Variants in ARRDC3 observed in about 807,000 individuals in gnomAD.
ARRDC3 encodes arrestin domain containing 3, also known as arrestin domain-containing protein 3.
In ARRDC3, 10 loss-of-function variants were observed where a neutral mutation model predicts 47.2. The ratio of observed to expected loss-of-function variants is 0.21; its 90% CI spans 0.13 to 0.36. ARRDC3 has a LOEUF of 0.36. Ranked by LOEUF, ARRDC3 falls within the 10% of genes least tolerant of loss-of-function variation. The pLI is 1.00. For missense variants in ARRDC3, 381 were observed against 503.6 expected (o/e 0.76, Z 2.33); for synonymous variants, 156 against 178.3 (o/e 0.87, Z 1.00).
intron 2 of ARRDC3, among the ~76,000 whole-genome samples, chr5:91,377,516 G>A (rs577185865): frequency 1.5e-4 from 23 of 151,040 alleles, no homozygotes; most frequent in African/African-American, 5.6e-4. Context: ...TCAATGTTCA[G>A]TTATTTACAA....
rs1335816451 is a variant in ARRDC3 at position 91,374,953 on chromosome 5, C to T, written c.839G>A (p.Cys280Tyr). 6.2e-7 allele frequency: 1 copy of T among 1,614,168 alleles called. No individual in the cohort carries two copies. Among genetic ancestry groups the T allele is most frequent in the Non-Finnish European group, 8.5e-7 (1 of 1,179,998 alleles). ...TGAATATTCCACGCGGATTATACTA[C>T]AGTCGAGGATAGAGGGAGAAACTGG... ...IPPVSPSILD[C>Y]SIIRVEYSLM... is the part of the protein sequence containing the mutation. Residue 280 changes from cysteine (C) to tyrosine (Y), a missense_variant, in exon 5 of 8, where the codon TGT becomes TAT. Coordinates refer to ENST00000265138, the MANE Select transcript of ARRDC3 (RefSeq NM_020801.4).
At chr5:91,381,565 C>G (rs995477721) in intron 1 of ARRDC3, among the ~76,000 whole-genome samples, 1 of 152,152 alleles carries the variant, frequency 6.6e-6, no homozygotes, top group Non-Finnish European at 1.5e-5. Flanking sequence ...TTAATAGTTT[C>G]AAAAATAATG....
Position 91,374,119 on chromosome 5 carries a change from G to C in ARRDC3, c.1028C>G (p.Pro343Arg). Reference protein sequence around the residue: ...NWLSLSLPERPEAPPSYAEVV... With the variant: ...NWLSLSLPERREAPPSYAEVV... ...GACGTGTATTATCAAATTACCTTCA[G>C]GTCTTTCAGGAAGTGATAAACTGAG... The change falls in exon 6 of 8, where the codon CCT (proline) becomes CGT (arginine). Residue 343 changes from proline (P) to arginine (R), a missense_variant. Pro to Arg is a moderately radical substitution (Grantham distance 103, BLOSUM62 -2). Transcript: ENST00000265138. The C allele has an allele frequency of 3.1e-6, 5 of 1,611,672 alleles. No homozygotes were observed. Among genetic ancestry groups the C allele is most frequent in the Non-Finnish European group, 4.2e-6 (5 of 1,179,274 alleles).
In ARRDC3 at chr5:91,372,033, T is replaced by C. The variant is rs1026270816; in HGVS notation, c.1189-577A>G. Among the ~76,000 whole-genome samples, 3 of 152,162 alleles carry C rather than the reference T, an allele frequency of 2.0e-5. No homozygotes were observed. The South Asian group carries it at 6.2e-4, about 31-fold the overall frequency. On this transcript the variant is annotated intron_variant, in intron 7 of 7. Coordinates refer to ENST00000265138, the MANE Select transcript of ARRDC3 (RefSeq NM_020801.4). ...CCCACAGAGGGCCAAAAACGCAGTG[T>C]ATCAGGAAATAAAACTGCTGAACCC... is the stretch of plus-strand genomic sequence containing the variant.
intron 7 of ARRDC3, among the ~76,000 whole-genome samples, chr5:91,372,947 T>C (rs532399172): frequency 6.6e-6 from 1 of 152,292 alleles, no homozygotes; most frequent in African/African-American, 2.4e-5. Context: ...CCCCACCTAC[T>C]CACTCCTTGT....
Position 91,378,719 on chromosome 5 carries a change from C to T in ARRDC3, c.337G>A (p.Ala113Thr), listed in dbSNP as rs149074357. 4 of 1,597,880 alleles carry T rather than the reference C, an allele frequency of 2.5e-6. No individual in the cohort carries two copies. ...HTIHSGRHEY[A>T]FSFELPQTPL... ...GTCTGTGGAAGCTCGAAGCTGAATG[C>T]ATATTCATGCCTTCCTGAATGAATA... The change falls in exon 2 of 8, where the codon GCA (alanine) becomes ACA (threonine). Residue 113 changes from alanine (A) to threonine (T), a missense_variant. Physicochemically the swap from Ala to Thr is moderately conservative, Grantham distance 58. Coordinates refer to ENST00000265138, the MANE Select transcript of ARRDC3 (RefSeq NM_020801.4).
chr5:91,374,205 T>C lies in ARRDC3; in HGVS notation c.942A>G (p.Leu314=), dbSNP rs1410916762. The change falls in exon 6 of 8, where the codon CTA becomes CTG. Residue 314 remains leucine (L), a synonymous_variant. Coordinates refer to ENST00000265138, the MANE Select transcript of ARRDC3 (RefSeq NM_020801.4). ...TTGAGGTTCTGCTACCAAATGGATG[T>C]AGAGGAATGGTACCGATGACAAGTG... ...NLPLVIGTIP[L]HPFGSRTSSV... is the part of the protein sequence containing the mutation. The C allele has an allele frequency of 2.5e-6, 4 of 1,613,916 alleles. No individual in the cohort carries two copies. The highest frequency in any genetic ancestry group is 3.4e-6 in the Non-Finnish European group (4 of 1,179,828).
intron 2 of ARRDC3, 84 bp downstream of exon 2, chr5:91,378,610 A>G: frequency 1.2e-6 from 1 of 803,266 alleles, no homozygotes; most frequent in Non-Finnish European, 1.9e-6. Flanking sequence ...TCAACTAAAA[A>G]TGTTTAAATT....
At chr5:91,375,634 G>C (rs1799283432) in intron 3 of ARRDC3, 21 bp from the exon 4 acceptor site, 2 of 1,554,144 alleles carry the variant, frequency 1.3e-6, no homozygotes, top group African/African-American at 1.4e-5. Flanking sequence ...AAAATTAAGA[G>C]AAAAAGGTCA....
intron 1 of ARRDC3, chr5:91,380,338 G>C (rs914916647): frequency 6.5e-6 from 1 of 153,002 alleles, no homozygotes; most frequent in Non-Finnish European, 1.5e-5. Flanking sequence ...AGCGAGCCGC[G>C]GCGCTTCCGC....
chr5:91,383,211 G>A lies in ARRDC3; in HGVS notation c.-119C>T. On this transcript the variant is annotated 5_prime_UTR_variant, in exon 1 of 8. Coordinates refer to ENST00000265138, the MANE Select transcript of ARRDC3 (RefSeq NM_020801.4). ...TGCCGTGCAAAATGCTTGCAGGCCG[G>A]ATCAGTGATTCTCTACAAATAGTTC... 1.1e-6 allele frequency: 1 copy of A among 906,386 alleles called. No individual in the cohort carries two copies. The highest frequency in any genetic ancestry group is 1.6e-6 in the Non-Finnish European group (1 of 614,958). The allele number at this position is 906,386 out of a possible 1,614,324, so 56.1% of individuals were successfully genotyped here. A position where few individuals can be genotyped will look rare whatever the true frequency, so the allele number is the denominator to read the frequency against.
intron 7 of ARRDC3, 137 bp from the exon 8 acceptor site, chr5:91,371,593 C>A: frequency 1.5e-6 from 1 of 656,306 alleles, no homozygotes. Flanking sequence ...ATATTATATC[C>A]AATTATTCTC....
chr5:91,375,395 TTTG>T (rs1189315173), intron 4 of ARRDC3, 113 bp downstream of exon 4: 1 of 879,334 alleles, frequency 1.1e-6, no homozygotes, highest in Admixed American at 3.0e-5. Flanking sequence ...ATAAGCACAA[TTTG>T]TTATTTCACA....
chr5:91,375,620 GA>G lies in ARRDC3; in HGVS notation c.511-8del. 2 of 1,597,202 alleles carry G rather than the reference GA, an allele frequency of 1.3e-6. No individual in the cohort carries two copies. Among genetic ancestry groups the G allele is most frequent in the East Asian group, 2.3e-5 (1 of 44,324 alleles). On this transcript the variant is annotated splice_polypyrimidine_tract_variant and splice_region_variant and intron_variant, in intron 3 of 7. Transcript: ENST00000265138. Reference sequence around the variant, plus strand: ...TTGTGCCTGCTTGGGGTGACTGTAAGAAAAAAATTAAGAGAAAAAGGTCAGT... The same window carrying G: ...TTGTGCCTGCTTGGGGTGACTGTAAGAAAAAATTAAGAGAAAAAGGTCAGT...
chr5:91,375,120 T>C lies in ARRDC3; in HGVS notation c.672A>G (p.Pro224=). The stretch of plus-strand genomic sequence containing the variant: ...CCTGTGTTTGGTAAATGGCTGCCTT[T>C]GGCACCACCATTCGGGAAGAGCAGT... The part of the protein sequence containing the change: ...IENCSSRMVV[P]KAAIYQTQAF... Residue 224 remains proline (P), a synonymous_variant, in exon 5 of 8, where the codon CCA becomes CCG. Coordinates refer to ENST00000265138, the MANE Select transcript of ARRDC3 (RefSeq NM_020801.4). The C allele has an allele frequency of 6.2e-7, 1 of 1,614,126 alleles. No individual in the cohort carries two copies. The highest frequency in any genetic ancestry group is 8.5e-7 in the Non-Finnish European group (1 of 1,180,012).
rs553655518 is a variant in ARRDC3 at position 91,374,941 on chromosome 5, C to T, written c.851G>A (p.Arg284His). ...ACATACCATTAGTGAATATTCCACG[C>T]GGATTATACTACAGTCGAGGATAGA... Reference protein sequence around the residue: ...SPSILDCSIIRVEYSLMVYVD... With the variant: ...SPSILDCSIIHVEYSLMVYVD... The change falls in exon 5 of 8, where the codon CGC (arginine) becomes CAC (histidine). Residue 284 changes from arginine to histidine, a missense_variant. Coordinates refer to ENST00000265138, the MANE Select transcript of ARRDC3 (RefSeq NM_020801.4). 1.9e-5 allele frequency: 30 copies of T among 1,614,076 alleles called. No homozygotes were observed. The highest frequency in any genetic ancestry group is 3.3e-5 in the Admixed American group (2 of 59,994).
intron 1 of ARRDC3, 102 bp downstream of exon 1, chr5:91,382,711 T>G: frequency 7.8e-7 from 1 of 1,277,564 alleles, no homozygotes; most frequent in Non-Finnish European, 1.1e-6. Context: ...TTTCTCAAAC[T>G]GCTTAGTTAT....
At chr5:91,375,650 T>C (rs1287335209) in intron 3 of ARRDC3, 37 bp from the exon 4 acceptor site, 4 of 1,423,248 alleles carry the variant, frequency 2.8e-6, no homozygotes, top group Admixed American at 3.5e-5. Flanking sequence ...GGTCAGTGTA[T>C]GGATTGGTAC....
intron 5 of ARRDC3, 121 bp from the exon 6 acceptor site, chr5:91,374,397 A>G (rs1444881270): frequency 4.4e-5 from 37 of 838,682 alleles, no homozygotes; most frequent in Non-Finnish European, 6.8e-5. Flanking sequence ...ACTTACATAC[A>G]TGAAAAGTTT....
Sources: gnomAD v4.1 joint callset for allele counts (sites outside exome capture counted in the v4.1 genomes callset) on GRCh38, gnomAD v4.1.1 for gene constraint, MANE v1.5 for transcripts, NCBI Gene and HGNC (gene_info 2026-07-23, HGNC 2026-07-21) for gene names.